AKT3: variants seen among roughly 807,000 people sequenced by gnomAD.
AKT3 encodes AKT serine/threonine kinase 3.
Under a neutral mutation model 65.3 loss-of-function variants are expected in AKT3, and 15 were observed. That is an observed-to-expected ratio of 0.23 (90% CI 0.15 to 0.35). AKT3 has a LOEUF of 0.35. AKT3 is among the 10% of genes least tolerant of loss of function. The pLI is 1.00. For missense variants in AKT3, 243 were observed against 576.5 expected (o/e 0.42, Z 5.92); for synonymous variants, 206 against 183.8 (o/e 1.12, Z -0.98).
At chr1:243,526,602 A>G (rs73120396) in intron 12 of AKT3, among the ~76,000 whole-genome samples, 11,383 of 152,078 alleles carry the variant, frequency 0.075, 625 homozygotes, top group African/African-American at 0.15. Flanking sequence ...TCTTGAAAAC[A>G]GCCAGTGAAA....
intron 1 of AKT3, among the ~76,000 whole-genome samples, chr1:243,849,253 G>A (rs887781214): frequency 3.3e-5 from 5 of 152,102 alleles, no homozygotes; most frequent in African/African-American, 1.2e-4. Flanking sequence ...CGCCAGCAGC[G>A]ACAGCATCAC....
intron 12 of AKT3, among the ~76,000 whole-genome samples, chr1:243,513,958 T>TCA (rs1174079148): frequency 6.6e-5 from 10 of 152,070 alleles, no homozygotes; most frequent in African/African-American, 2.4e-4. Flanking sequence ...GCCTCACATA[T>TCA]CACATGCACA....
At chr1:243,539,162 C>T (rs1672122470) in intron 12 of AKT3, among the ~76,000 whole-genome samples, 1 of 152,038 alleles carries the variant, frequency 6.6e-6, no homozygotes, top group Non-Finnish European at 1.5e-5. Flanking sequence ...CCCACGTACA[C>T]CCGGATTTTC....
intron 2 of AKT3, among the ~76,000 whole-genome samples, chr1:243,787,711 G>C (rs911966867): frequency 6.6e-6 from 1 of 152,084 alleles, no homozygotes; most frequent in African/African-American, 2.4e-5. Flanking sequence ...TCTCCAGTCT[G>C]ACAAAGCTCC....
chr1:243,806,896 C>A lies in AKT3; in HGVS notation c.46+36229G>T, dbSNP rs1206562702. ...AGTGGTAGTAATGCATCTTTCCTTG[C>A]AAATATGGATCTCAAATATGGATTA... On this transcript the variant is annotated intron_variant, in intron 2 of 13. Coordinates refer to ENST00000673466, the MANE Select transcript of AKT3 (RefSeq NM_005465.7). Among the ~76,000 whole-genome samples, 8 of 152,152 alleles carry A rather than the reference C, an allele frequency of 5.3e-5. No homozygotes were observed. In the South Asian group the frequency reaches 1.5e-3, roughly 28 times the overall value.
intron 5 of AKT3, among the ~76,000 whole-genome samples, chr1:243,641,942 AAAAT>A (rs1228674268): frequency 3.3e-5 from 5 of 152,166 alleles, no homozygotes; most frequent in African/African-American, 4.8e-5. Flanking sequence ...GTCTCAAATG[AAAAT>A]AAATAAATAA....
At chr1:243,525,525 T>C (rs1025132348) in intron 12 of AKT3, among the ~76,000 whole-genome samples, 10 of 150,752 alleles carry the variant, frequency 6.6e-5, no homozygotes, top group East Asian at 2.0e-4. Flanking sequence ...AGTAAAAAAG[T>C]TGAAAATCTC....
At chr1:243,562,740 G>A (rs527849185) in intron 10 of AKT3, among the ~76,000 whole-genome samples, 1 of 152,228 alleles carries the variant, frequency 6.6e-6, no homozygotes, top group Non-Finnish European at 1.5e-5. Context: ...AGAACTGTCG[G>A]ACATGTGAGT....
chr1:243,730,390 A>T (rs755580035), intron 2 of AKT3, among the ~76,000 whole-genome samples: 1 of 152,118 alleles, frequency 6.6e-6, no homozygotes, highest in Non-Finnish European at 1.5e-5. Context: ...TGGACAAAGG[A>T]CCAGAATTCG....
At chr1:243,636,265 ATT>A (rs1679965173) in intron 6 of AKT3, among the ~76,000 whole-genome samples, 1 of 152,066 alleles carries the variant, frequency 6.6e-6, no homozygotes, top group Non-Finnish European at 1.5e-5. Context: ...TTGTAATTTA[ATT>A]TGTTAAGTTT....
intron 8 of AKT3, among the ~76,000 whole-genome samples, chr1:243,585,132 T>C (rs552606540): frequency 6.6e-6 from 1 of 151,674 alleles, no homozygotes; most frequent in South Asian, 2.1e-4. Flanking sequence ...CCAAATCATT[T>C]ACAATAGCCA....
intron 2 of AKT3, among the ~76,000 whole-genome samples, chr1:243,824,976 C>G (rs572618105): frequency 6.6e-6 from 1 of 152,168 alleles, no homozygotes; most frequent in Admixed American, 6.5e-5. Context: ...AGCACTATTC[C>G]TGATAGCAAA....
chr1:243,549,650 C>G (rs1035791953), intron 11 of AKT3, among the ~76,000 whole-genome samples: 5 of 151,940 alleles, frequency 3.3e-5, no homozygotes, highest in Non-Finnish European at 5.9e-5. Flanking sequence ...GTCTTGAACT[C>G]CCGACCTCAA....
intron 13 of AKT3, among the ~76,000 whole-genome samples, chr1:243,508,686 GAC>G (rs950152034): frequency 3.4e-5 from 3 of 88,944 alleles, no homozygotes; most frequent in Non-Finnish European, 6.2e-5. Context: ...TTTTTTAAAA[GAC>G]AGAGTCTTGC....
chr1:243,823,727 C>T (rs1030361217), intron 2 of AKT3, among the ~76,000 whole-genome samples: 1 of 151,786 alleles, frequency 6.6e-6, no homozygotes, highest in African/African-American at 2.4e-5. Context: ...AGTGAAGGAC[C>T]TTTTCAAGGA....
downstream of AKT3, among the ~76,000 whole-genome samples, chr1:243,497,684 T>C (rs181715128): frequency 1.3e-5 from 2 of 152,314 alleles, no homozygotes; most frequent in African/African-American, 4.8e-5. Flanking sequence ...CACATTTTAC[T>C]TTTACTTCAG....
chr1:243,726,422 A>T (rs557538843), intron 2 of AKT3, among the ~76,000 whole-genome samples: 1 of 152,322 alleles, frequency 6.6e-6, no homozygotes, highest in East Asian at 1.9e-4. Context: ...TTACACCTAT[A>T]AAGTGAACTC....
At chr1:243,562,124 T>C (rs1007058456) in intron 10 of AKT3, among the ~76,000 whole-genome samples, 8 of 152,128 alleles carry the variant, frequency 5.3e-5, no homozygotes, top group African/African-American at 1.9e-4. Context: ...TATATCCATA[T>C]AATGGAATAT....
intron 8 of AKT3, among the ~76,000 whole-genome samples, chr1:243,593,459 C>CCTCAA (rs1186581731): frequency 6.6e-6 from 1 of 152,072 alleles, no homozygotes; most frequent in Non-Finnish European, 1.5e-5. Context: ...GGCCTAGGTG[C>CCTCAA]GTGGATCACT....
Sources: gnomAD v4.1 joint callset for allele counts (sites outside exome capture counted in the v4.1 genomes callset) on GRCh38, gnomAD v4.1.1 for gene constraint, MANE v1.5 for transcripts, NCBI Gene and HGNC (gene_info 2026-07-23, HGNC 2026-07-21) for gene names.